Variants in SEC24C observed in about 807,000 individuals in gnomAD.
The protein encoded by SEC24C is protein transport protein Sec24C.
A neutral mutation model predicts 117.0 loss-of-function variants in SEC24C; 22 were observed. The observed-to-expected ratio is 0.19, with a 90% CI of 0.13 to 0.27. SEC24C has a LOEUF of 0.27. Among genes scored for constraint, SEC24C ranks in the 10% least tolerant of loss-of-function variants. The pLI, the probability that SEC24C is intolerant of heterozygous loss-of-function variation, is 1.00. For synonymous variants in SEC24C, 506 were observed against 529.4 expected (o/e 0.96, Z 0.61); for missense variants, 1,155 against 1,375.1 (o/e 0.84, Z 2.53).
rs776907217 is a variant in SEC24C, at chr10:73,763,993, G to T, written c.1227+10G>T. On this transcript the variant is annotated intron_variant, in intron 8 of 22. Transcript: ENST00000345254. ...GCTGCCCCCAGAGGAGGTGAGTCAG[G>T]GAAGGGGCTAGAGTGTAATGAAAGG... The T allele has an allele frequency of 5.1e-6, 8 of 1,571,132 alleles. No individual in the cohort carries two copies. The highest frequency in any genetic ancestry group is 6.1e-6 in the Non-Finnish European group (7 of 1,155,470).
chr10:73,760,174 T>A lies in SEC24C; in HGVS notation c.638T>A (p.Phe213Tyr). The change falls in exon 5 of 23, where the codon TTC becomes TAC. Residue 213 changes from phenylalanine (F) to tyrosine (Y), a missense_variant. Phe to Tyr is a conservative substitution (Grantham distance 22, BLOSUM62 3). Coordinates refer to ENST00000345254, the MANE Select transcript of SEC24C (RefSeq NM_198597.3). Reference protein sequence around the residue: ...QRSAPSQASSFTPPASGGPRL... With the variant: ...QRSAPSQASSYTPPASGGPRL... ...TCTGCCCCATCACAGGCCTCCAGCT[T>A]CACACCCCCAGCTTCAGGGGGTCCT... 1 of 1,614,118 alleles carries A rather than the reference T, an allele frequency of 6.2e-7. No homozygotes were observed. Among genetic ancestry groups the A allele is most frequent in the Non-Finnish European group, 8.5e-7 (1 of 1,180,014 alleles).
intron 15 of SEC24C, among the ~76,000 whole-genome samples, chr10:73,768,368 C>T: frequency 6.6e-6 from 1 of 152,142 alleles, no homozygotes; most frequent in Non-Finnish European, 1.5e-5. Flanking sequence ...CAGAGTAAGA[C>T]TCCGTCTCCA....
chr10:73,766,701 C>T (rs1401996784), intron 12 of SEC24C, 59 bp from the exon 13 acceptor site: 1 of 1,515,430 alleles, frequency 6.6e-7, no homozygotes, highest in African/African-American at 1.4e-5. Flanking sequence ...GAATCGAGAA[C>T]TGAGGTATCT....
chr10:73,752,339 T>C (rs1162430674), intron 3 of SEC24C, among the ~76,000 whole-genome samples: 1 of 152,102 alleles, frequency 6.6e-6, no homozygotes, highest in African/African-American at 2.4e-5. Context: ...CCCAGGCTGA[T>C]CTCAAAACTC....
At position 73,767,180 on chromosome 10, in the gene SEC24C, T is replaced by C. The variant is rs375131385; in HGVS notation, c.2010+10T>C. ...TACAGACAAGGAGAAGGTGTGGGAC[T>C]GGAAAATGGGGGAGGGGAAGGATTT... is the stretch of plus-strand genomic sequence containing the variant. On this transcript the variant is annotated intron_variant, in intron 14 of 22. Coordinates refer to ENST00000345254, the MANE Select transcript of SEC24C (RefSeq NM_198597.3). 35 of 1,572,042 alleles carry C rather than the reference T, an allele frequency of 2.2e-5. No homozygotes were observed. Among genetic ancestry groups the C allele is most frequent in the Non-Finnish European group, 2.8e-5 (32 of 1,142,496 alleles).
intron 22 of SEC24C, 77 bp from the exon 23 acceptor site, chr10:73,770,878 G>GT: frequency 1.2e-6 from 2 of 1,613,160 alleles, no homozygotes; most frequent in Non-Finnish European, 1.7e-6. Flanking sequence ...GAATGAGTAA[G>GT]TGACTGCCTA....
At chr10:73,762,705 C>T in intron 6 of SEC24C, among the ~76,000 whole-genome samples, 1 of 152,130 alleles carries the variant, frequency 6.6e-6, no homozygotes, top group South Asian at 2.1e-4. Flanking sequence ...AACCTTTCTG[C>T]TATGGGATAG....
intron 6 of SEC24C, among the ~76,000 whole-genome samples, chr10:73,761,179 G>T (rs1447756924): frequency 4.6e-5 from 7 of 152,300 alleles, no homozygotes; most frequent in Non-Finnish European, 8.8e-5. Context: ...ACTGGGTCTT[G>T]TCCCCTTAGA....
rs761131224 is a variant in SEC24C, at chr10:73,766,727, A to G, written c.1800-33A>G. On this transcript the variant is annotated intron_variant, in intron 12 of 22. Transcript: ENST00000345254. Reference sequence around the variant, plus strand: ...TGAGGTATCTGGAATCTGTATAGCAATTTTGGTTGTTTTCCGTCACCTATC... The same window carrying G: ...TGAGGTATCTGGAATCTGTATAGCAGTTTTGGTTGTTTTCCGTCACCTATC... The G allele has an allele frequency of 4.4e-6, 7 of 1,587,742 alleles. No individual in the cohort carries two copies. The African/African-American group carries it at 5.4e-5, about 12-fold the overall frequency.
At chr10:73,756,292 AG>A (rs1253975875) in intron 3 of SEC24C, among the ~76,000 whole-genome samples, 1 of 152,180 alleles carries the variant, frequency 6.6e-6, no homozygotes, top group Admixed American at 6.5e-5. Context: ...GGCTTTCCTG[AG>A]AGTAGTTTTG....
chr10:73,759,121 G>A (rs2082756047), intron 3 of SEC24C, among the ~76,000 whole-genome samples: 1 of 152,068 alleles, frequency 6.6e-6, no homozygotes, highest in African/African-American at 2.4e-5. Flanking sequence ...AGCTGAGCCT[G>A]GAAAGTTGAG....
At chr10:73,764,941 C>T (rs1412546287) in intron 8 of SEC24C, among the ~76,000 whole-genome samples, 1 of 152,164 alleles carries the variant, frequency 6.6e-6, no homozygotes, top group Admixed American at 6.5e-5. Flanking sequence ...CTATCTGGGT[C>T]CCATTGGGGA....
intron 6 of SEC24C, among the ~76,000 whole-genome samples, chr10:73,763,186 G>T (rs370658984): frequency 6.6e-6 from 1 of 152,092 alleles, no homozygotes; most frequent in Non-Finnish European, 1.5e-5. Flanking sequence ...GCTTTTCCTG[G>T]AATGGGAGGA....
In SEC24C at chr10:73,746,909, C is replaced by G. The variant is rs200368868; in HGVS notation, c.77C>G (p.Ser26Cys). 6.2e-6 allele frequency: 10 copies of G among 1,613,956 alleles called. No homozygotes were observed. Among genetic ancestry groups the G allele is most frequent in the African/African-American group, 1.3e-5 (1 of 74,956 alleles). The part of the protein sequence containing the change: ...PQPIYPGYHQ[S>C]SYGGQSGSTA... ...CCCATCTACCCAGGGTATCATCAGT[C>G]CAGCTATGGTGGGCAATCAGGGTCC... The change falls in exon 2 of 23, where the codon TCC becomes TGC. Residue 26 changes from serine to cysteine, a missense_variant. Around this residue, in one of 2 missense-constraint regions of SEC24C, gnomAD observed 396 missense variants for 382.8 expected, o/e 1.03. Transcript: ENST00000345254.
At chr10:73,768,479 T>C (rs2082919664) in intron 15 of SEC24C, among the ~76,000 whole-genome samples, 1 of 152,212 alleles carries the variant, frequency 6.6e-6, no homozygotes, top group Non-Finnish European at 1.5e-5. Flanking sequence ...CAGTCCTGCA[T>C]TGATATTCTG....
chr10:73,763,706 T>TTTTTTAA, intron 7 of SEC24C, 105 bp downstream of exon 7: 1 of 681,256 alleles, frequency 1.5e-6, no homozygotes, highest in Non-Finnish European at 2.2e-6. Flanking sequence ...TTTTAGTTTT[T>TTTTTTAA]AACCAGAGAC....
At chr10:73,748,691 C>T (rs1420782394) in intron 2 of SEC24C, among the ~76,000 whole-genome samples, 1 of 151,856 alleles carries the variant, frequency 6.6e-6, no homozygotes, top group African/African-American at 2.4e-5. Context: ...CCCGCCTCAG[C>T]CTCCCAAATG....
At chr10:73,757,908 G>A (rs1225901788) in intron 3 of SEC24C, among the ~76,000 whole-genome samples, 16 of 122,288 alleles carry the variant, frequency 1.3e-4, no homozygotes, top group African/African-American at 5.2e-4. Context: ...GTGACAGAGC[G>A]AGACCCTGTC....
At chr10:73,757,260 C>T (rs2082723592) in intron 3 of SEC24C, among the ~76,000 whole-genome samples, 1 of 142,494 alleles carries the variant, frequency 7.0e-6, no homozygotes, top group Non-Finnish European at 1.5e-5. Context: ...GTGGCTCATG[C>T]CTGTAGTAAT....
Sources: allele counts gnomAD v4.1 joint callset (sites outside exome capture counted in the v4.1 genomes callset), GRCh38; gene constraint gnomAD v4.1.1; regional missense constraint gnomAD v4.1.1; transcripts MANE v1.5; gene names NCBI Gene and HGNC (gene_info 2026-07-23, HGNC 2026-07-21).